The following TRAFD1 variants were observed in gnomAD, a reference collection of about 807,000 sequenced individuals.
The protein encoded by TRAFD1 is TRAF-type zinc finger domain-containing protein 1.
In TRAFD1, 38 loss-of-function variants were observed where a neutral mutation model predicts 65.3. That is an observed-to-expected ratio of 0.58 (90% CI 0.45 to 0.76). TRAFD1 has a LOEUF of 0.76. Among genes scored for constraint, TRAFD1 ranks in the 30% least tolerant of loss-of-function variants. TRAFD1 has a pLI of 0.00. For synonymous variants in TRAFD1, 223 were observed against 257.2 expected, an observed-to-expected ratio of 0.87 and a Z score of 1.27; for missense variants, 631 against 712.6, an observed-to-expected ratio of 0.89 and a Z score of 1.30.
At chr12:112,136,198 A>G (rs764662001) in intron 4 of TRAFD1, among the ~76,000 whole-genome samples, 1 of 148,178 alleles carries the variant, frequency 6.7e-6, no homozygotes, top group Non-Finnish European at 1.5e-5. Context: ...TTGGTCTTGA[A>G]CTCCTGGGCT....
chr12:112,140,335 G>A lies in TRAFD1; in HGVS notation c.238-484G>A, dbSNP rs561737025. 23 of 165,438 alleles carry A rather than the reference G, an allele frequency of 1.4e-4. No individual in the cohort carries two copies. The South Asian group carries it at 2.5e-3, about 18-fold the overall frequency. 10.2% of individuals were successfully genotyped at this position (165,438 alleles called of 1,614,324 possible). ...CTCAGGAGGCTGAGGCAGGAGAATC[G>A]TGTGAACCTGGGAGGCAGAGGTCGC... On this transcript the variant is annotated intron_variant, in intron 4 of 11. Transcript: ENST00000412615.
At chr12:112,132,954 G>A (rs981845203) in intron 2 of TRAFD1, among the ~76,000 whole-genome samples, 21 of 152,018 alleles carry the variant, frequency 1.4e-4, no homozygotes, top group African/African-American at 4.3e-4. Context: ...ATTGTTATAC[G>A]TACCTTCTTT....
chr12:112,150,001 A>C, intron 9 of TRAFD1, 130 bp downstream of exon 9: 149 of 1,301,684 alleles, frequency 1.1e-4, no homozygotes, highest in East Asian at 2.1e-4. Flanking sequence ...CTAGGGTCTC[A>C]TAGGGGACTC....
chr12:112,136,571 C>G (rs2029916982), intron 4 of TRAFD1, among the ~76,000 whole-genome samples: 1 of 152,052 alleles, frequency 6.6e-6, no homozygotes, highest in Admixed American at 6.6e-5. Context: ...GCGTGAGCCA[C>G]CATGCCCGGT....
chr12:112,134,633 G>C (rs1262243976), intron 2 of TRAFD1, 105 bp from the exon 3 acceptor site: 1 of 1,289,766 alleles, frequency 7.8e-7, no homozygotes, highest in Non-Finnish European at 1.1e-6. Flanking sequence ...ATAAATAATG[G>C]AGACTAAAGA....
At position 112,142,075 on chromosome 12, in the gene TRAFD1, T is replaced by G. The variant is rs760475726; in HGVS notation, c.644-14T>G. On this transcript the variant is annotated splice_polypyrimidine_tract_variant and intron_variant, in intron 5 of 11. Transcript: ENST00000412615. The stretch of plus-strand genomic sequence containing the variant: ...CTAATGTATCCTGAATGTTGGTTGG[T>G]TTTTTTTTTTCAGTTGAAGAACAAG... 58 of 1,174,682 alleles carry G rather than the reference T, an allele frequency of 4.9e-5. No individual in the cohort carries two copies. Among genetic ancestry groups the G allele is most frequent in the Non-Finnish European group, 6.7e-5 (57 of 844,590 alleles). 72.8% of individuals were successfully genotyped at this position (1,174,682 alleles called of 1,614,324 possible).
rs2029939372 is a variant in TRAFD1, at chr12:112,137,415, A to G, written c.237+2349A>G. Among the ~76,000 whole-genome samples the G allele has an allele frequency of 6.6e-6, 1 of 152,220 alleles. No individual in the cohort carries two copies. Among genetic ancestry groups the G allele is most frequent in the African/African-American group, 2.4e-5 (1 of 41,468 alleles). ...GGCAGAAGGGCTGTGTCTACAGCCC[A>G]TGTGGAACCAAGGACAGTTTTCCCA... is the stretch of plus-strand genomic sequence containing the variant. On this transcript the variant is annotated intron_variant, in intron 4 of 11. Coordinates refer to ENST00000412615, the MANE Select transcript of TRAFD1 (RefSeq NM_006700.3). The surrounding 1 kb of genome is among the most constrained non-coding windows in gnomAD (Gnocchi z 4.2).
intron 8 of TRAFD1, chr12:112,149,479 G>GAA (rs779201802): frequency 5.3e-5 from 16 of 299,826 alleles, no homozygotes; most frequent in East Asian, 2.1e-4. Flanking sequence ...TTAAAAAACA[G>GAA]AAAAAAAAAA....
intron 6 of TRAFD1, among the ~76,000 whole-genome samples, chr12:112,144,387 C>T (rs2030180163): frequency 6.6e-6 from 1 of 151,984 alleles, no homozygotes; most frequent in Non-Finnish European, 1.5e-5. Flanking sequence ...TCTCCTGCCT[C>T]AGCCTCCAGG....
intron 9 of TRAFD1, among the ~76,000 whole-genome samples, chr12:112,151,299 C>CT (rs890283871): frequency 1.2e-4 from 18 of 152,084 alleles, no homozygotes; most frequent in African/African-American, 4.3e-4. Context: ...AGGAGGCTGT[C>CT]TTTGAGGACT....
At chr12:112,134,499 G>A (rs1022011081) in intron 2 of TRAFD1, among the ~76,000 whole-genome samples, 5 of 151,936 alleles carry the variant, frequency 3.3e-5, no homozygotes, top group African/African-American at 7.3e-5. Flanking sequence ...CAGGTGATCC[G>A]CCTGCCTCGG....
intron 5 of TRAFD1, chr12:112,141,447 A>C (rs2030088014): frequency 8.8e-6 from 5 of 566,180 alleles, no homozygotes; most frequent in Middle Eastern, 4.8e-4. Flanking sequence ...AATAGCCAAC[A>C]CTTATACAGA....
chr12:112,142,292 A>G lies in TRAFD1; in HGVS notation c.847A>G (p.Lys283Glu). The change falls in exon 6 of 12, where the codon AAG (lysine) becomes GAG (glutamate). Residue 283 changes from lysine to glutamate, a missense_variant. By Grantham distance (56) the Lys-to-Glu change is moderately conservative. Transcript: ENST00000412615. ...CGGTCCCAGGTCTCTCAGTGACATA[A>G]AGGGTAGGCTTGCTTATTCTGCACT... ...HGGPRSLSDI[K>E]GAADEIMLPC... The G allele has an allele frequency of 1.2e-6, 2 of 1,613,064 alleles. No homozygotes were observed. Among genetic ancestry groups the G allele is most frequent in the Non-Finnish European group, 1.7e-6 (2 of 1,179,126 alleles).
Position 112,146,987 on chromosome 12 carries a change from G to GTTT in TRAFD1, c.928-1059_928-1057dup, listed in dbSNP as rs547077120. Among the ~76,000 whole-genome samples the GTTT allele has an allele frequency of 5.7e-3, 299 of 52,524 alleles. 77 individuals carry two copies. The highest frequency in any genetic ancestry group is 0.013 in the African/African-American group (167 of 12,468). The allele number at this position is 52,524 out of a possible 152,430, so 34.5% of individuals were successfully genotyped here. ...GGATTACCTGATGGAGGGAACTTCT[G>GTTT]TTTTTTTTTTTTTTTTTTTTTTTTT... On this transcript the variant is annotated intron_variant, in intron 7 of 11. Transcript: ENST00000412615.
chr12:112,134,918 C>CTGT (rs764562068), intron 3 of TRAFD1, 45 bp downstream of exon 3: 1 of 1,611,694 alleles, frequency 6.2e-7, no homozygotes, highest in East Asian at 2.2e-5. Context: ...GTTATACTTG[C>CTGT]TGTTGTTCGT....
Position 112,142,074 on chromosome 12 carries a change from GT to G in TRAFD1, c.644-4del, listed in dbSNP as rs761569606. 3,941 of 1,186,932 alleles carry G rather than the reference GT, an allele frequency of 3.3e-3. 4 individuals carry two copies. Among genetic ancestry groups the G allele is most frequent in the East Asian group, 5.4e-3 (175 of 32,338 alleles). 73.5% of individuals were successfully genotyped at this position (1,186,932 alleles called of 1,614,324 possible). A position where few individuals can be genotyped will look rare whatever the true frequency, so the allele number is the denominator to read the frequency against. On this transcript the variant is annotated splice_polypyrimidine_tract_variant and intron_variant, in intron 5 of 11. Coordinates refer to ENST00000412615, the MANE Select transcript of TRAFD1 (RefSeq NM_006700.3). ...TCTAATGTATCCTGAATGTTGGTTG[GT>G]TTTTTTTTTTCAGTTGAAGAACAAG... is the stretch of plus-strand genomic sequence containing the variant.
rs1244622845 is a variant in TRAFD1, at chr12:112,130,585, T to G, written c.47+16T>G. 6.2e-7 allele frequency: 1 copy of G among 1,607,864 alleles called. No homozygotes were observed. Among genetic ancestry groups the G allele is most frequent in the Non-Finnish European group, 8.5e-7 (1 of 1,175,610 alleles). On this transcript the variant is annotated intron_variant, in intron 2 of 11. Transcript: ENST00000412615. The surrounding 1 kb of genome is among the most constrained non-coding windows in gnomAD (Gnocchi z 4.4). The stretch of plus-strand genomic sequence containing the variant: ...GTGACAACTGGTAAGACATTAAATC[T>G]AAGAAATGTTAGTGGAATGAGGACA...
At position 112,147,572 on chromosome 12, in the gene TRAFD1, C is replaced by A. The variant is rs557612827; in HGVS notation, c.928-502C>A. Among the ~76,000 whole-genome samples, 88 of 151,982 alleles carry A rather than the reference C, an allele frequency of 5.8e-4. 2 individuals carry two copies. In the South Asian group the frequency reaches 0.018, roughly 31 times the overall value. On this transcript the variant is annotated intron_variant, in intron 7 of 11. Transcript: ENST00000412615. ...TTCAAATTAATTTAAAAAGAATGAA[C>A]ACACTTAAAAAAAACCATAAAAATA... is the stretch of plus-strand genomic sequence containing the variant.
In TRAFD1 at chr12:112,146,987, G is replaced by GTTTT. The variant is rs547077120; in HGVS notation, c.928-1060_928-1057dup. Among the ~76,000 whole-genome samples the GTTTT allele has an allele frequency of 5.8e-3, 304 of 52,528 alleles. 59 individuals are homozygous for GTTTT. The highest frequency in any genetic ancestry group is 0.013 in the African/African-American group (162 of 12,470). The allele number at this position is 52,528 out of a possible 152,430, so 34.5% of individuals were successfully genotyped here. A position where few individuals can be genotyped will look rare whatever the true frequency, so the allele number is the denominator to read the frequency against. On this transcript the variant is annotated intron_variant, in intron 7 of 11. Transcript: ENST00000412615. ...GGATTACCTGATGGAGGGAACTTCT[G>GTTTT]TTTTTTTTTTTTTTTTTTTTTTTTT...
Sources: gnomAD v4.1 joint callset for allele counts (sites outside exome capture counted in the v4.1 genomes callset) on GRCh38, gnomAD v4.1.1 for gene constraint, Gnocchi (gnomAD v3.1) non-coding constraint, MANE v1.5 for transcripts, NCBI Gene and HGNC (gene_info 2026-07-23, HGNC 2026-07-21) for gene names.